Variants in RCAN2 observed in about 807,000 individuals in gnomAD.
RCAN2 encodes calcipressin-2.
RCAN2 carries 9 observed loss-of-function variants against 23.6 expected under a neutral mutation model. That is an observed-to-expected ratio of 0.38 (90% CI 0.23 to 0.67). The LOEUF is 0.67. Ranked by LOEUF, RCAN2 falls within the 30% of genes least tolerant of loss-of-function variation. RCAN2 has a pLI of 0.51. For missense variants in RCAN2, 273 were observed against 302.3 expected, an observed-to-expected ratio of 0.90 and a Z score of 0.72; for synonymous variants, 109 against 115.7, an observed-to-expected ratio of 0.94 and a Z score of 0.37.
At chr6:46,253,235 T>C (rs9463191) in intron 2 of RCAN2, among the ~76,000 whole-genome samples, 2,400 of 152,340 alleles carry the variant, frequency 0.016, 64 homozygotes, top group African/African-American at 0.055. Flanking sequence ...GGAATTCACA[T>C]TGGTGGATAC....
intron 2 of RCAN2, among the ~76,000 whole-genome samples, chr6:46,357,180 G>A (rs1764857613): frequency 6.6e-6 from 1 of 152,176 alleles, no homozygotes; most frequent in Admixed American, 6.5e-5. Context: ...TTGTCCCTCA[G>A]TTCTGTGCAA....
intron 2 of RCAN2, among the ~76,000 whole-genome samples, chr6:46,354,302 G>A (rs1032665965): frequency 1.3e-5 from 2 of 149,358 alleles, no homozygotes; most frequent in South Asian, 2.2e-4. Context: ...CAGCACTTTC[G>A]GCAGAAGTTT....
intron 2 of RCAN2, among the ~76,000 whole-genome samples, chr6:46,376,789 A>G (rs1321328523): frequency 6.6e-6 from 1 of 152,004 alleles, no homozygotes; most frequent in Non-Finnish European, 1.5e-5. Context: ...ACCAGGTCTT[A>G]TTTATCAGAA....
At chr6:46,282,550 T>C (rs1348273986) in intron 2 of RCAN2, among the ~76,000 whole-genome samples, 1 of 151,800 alleles carries the variant, frequency 6.6e-6, no homozygotes, top group Non-Finnish European at 1.5e-5. Flanking sequence ...TCTTAATCCT[T>C]AAATTTCTCT....
intron 1 of RCAN2, among the ~76,000 whole-genome samples, chr6:46,473,297 C>T (rs996758899): frequency 6.6e-6 from 1 of 152,000 alleles, no homozygotes; most frequent in African/African-American, 2.4e-5. Flanking sequence ...TATGACTCTA[C>T]CTTATAGCTT....
intron 1 of RCAN2, among the ~76,000 whole-genome samples, chr6:46,489,446 C>T (rs940023567): frequency 1.3e-5 from 2 of 152,164 alleles, no homozygotes; most frequent in African/African-American, 2.4e-5. Context: ...TTGAATTGAT[C>T]GAGTGGATGC....
At chr6:46,325,443 G>A (rs970821369) in intron 2 of RCAN2, 1 of 1,614,080 alleles carries the variant, frequency 6.2e-7, no homozygotes, top group African/African-American at 1.3e-5. Context: ...CAGGCAACCA[G>A]AGTGGAAACA....
chr6:46,432,579 A>G (rs1299764031), intron 2 of RCAN2, among the ~76,000 whole-genome samples: 2 of 152,184 alleles, frequency 1.3e-5, no homozygotes, highest in Non-Finnish European at 2.9e-5. Flanking sequence ...AGTCATCAAT[A>G]TCTTTAGAAG....
chr6:46,332,165 A>G (rs542341764), intron 2 of RCAN2, among the ~76,000 whole-genome samples: 2 of 152,308 alleles, frequency 1.3e-5, no homozygotes, highest in South Asian at 4.1e-4. Flanking sequence ...TTATAATTAT[A>G]TAAAATATTT....
intron 4 of RCAN2, among the ~76,000 whole-genome samples, chr6:46,240,279 A>G (rs1369749132): frequency 6.6e-6 from 1 of 152,150 alleles, no homozygotes; most frequent in Non-Finnish European, 1.5e-5. Flanking sequence ...TTTTATAGGC[A>G]GTAGGATTTG....
At chr6:46,382,682 A>T (rs1765642887) in intron 2 of RCAN2, among the ~76,000 whole-genome samples, 1 of 152,094 alleles carries the variant, frequency 6.6e-6, no homozygotes, top group African/African-American at 2.4e-5. Flanking sequence ...TTGTGTTTTT[A>T]ACTATGTTTA....
intron 2 of RCAN2, among the ~76,000 whole-genome samples, chr6:46,307,884 G>A (rs1344996544): frequency 6.6e-6 from 1 of 152,140 alleles, no homozygotes; most frequent in Non-Finnish European, 1.5e-5. Context: ...TGGTTTCAGA[G>A]GCTTTGTTCA....
intron 2 of RCAN2, among the ~76,000 whole-genome samples, chr6:46,277,347 C>T (rs1280864722): frequency 1.3e-5 from 2 of 152,118 alleles, no homozygotes; most frequent in Non-Finnish European, 2.9e-5. Context: ...GGAGAAATGG[C>T]TTTTTCTATA....
chr6:46,248,363 A>G (rs1766592340), intron 3 of RCAN2, among the ~76,000 whole-genome samples: 1 of 152,234 alleles, frequency 6.6e-6, no homozygotes, highest in Non-Finnish European at 1.5e-5. Flanking sequence ...CGTCATTCTT[A>G]TTATAACTAC....
chr6:46,285,161 T>G (rs1340438274), intron 2 of RCAN2, among the ~76,000 whole-genome samples: 1 of 152,218 alleles, frequency 6.6e-6, no homozygotes, highest in Admixed American at 6.5e-5. Flanking sequence ...ATTGAATCTC[T>G]AGTTATGTGT....
In RCAN2 at chr6:46,297,868, C is replaced by T. The variant is rs547885324; in HGVS notation, c.226-48972G>A. Among the ~76,000 whole-genome samples, 6 of 152,052 alleles carry T rather than the reference C, an allele frequency of 3.9e-5. No homozygotes were observed. The South Asian group carries it at 6.2e-4, about 16-fold the overall frequency. On this transcript the variant is annotated intron_variant, in intron 2 of 4. Coordinates refer to ENST00000371374, the MANE Select transcript of RCAN2 (RefSeq NM_001251974.2). ...TGAATATAATTCTTTAAGGCCCAAA[C>T]GTTTTATAGAGAGAACGAGAAGGAA...
At chr6:46,455,614 TG>T in intron 2 of RCAN2, among the ~76,000 whole-genome samples, 1 of 151,692 alleles carries the variant, frequency 6.6e-6, no homozygotes, top group African/African-American at 2.4e-5. Context: ...CCCAACACTT[TG>T]GGAGGCCGAG....
At chr6:46,487,762 C>G (rs1769035429) in intron 1 of RCAN2, among the ~76,000 whole-genome samples, 1 of 152,212 alleles carries the variant, frequency 6.6e-6, no homozygotes. Context: ...CCCATTAGCT[C>G]TGTAAAATGG....
At chr6:46,265,886 G>C (rs1767310645) in intron 2 of RCAN2, among the ~76,000 whole-genome samples, 1 of 152,160 alleles carries the variant, frequency 6.6e-6, no homozygotes, top group Admixed American at 6.5e-5. Context: ...TGGTACTCCT[G>C]TAGCACATGA....
Sources: allele counts gnomAD v4.1 joint callset (sites outside exome capture counted in the v4.1 genomes callset), GRCh38; gene constraint gnomAD v4.1.1; transcripts MANE v1.5; gene names NCBI Gene and HGNC (gene_info 2026-07-23, HGNC 2026-07-21).